CEP85L: variants seen among roughly 807,000 people sequenced by gnomAD.
The protein encoded by CEP85L is centrosomal protein of 85 kDa-like.
A neutral mutation model predicts 100.3 loss-of-function variants in CEP85L; 60 were observed. That is an observed-to-expected ratio of 0.60 (90% CI 0.49 to 0.74). The LOEUF (loss-of-function observed/expected upper bound fraction) is 0.74. Among genes scored for constraint, CEP85L ranks in the 30% least tolerant of loss-of-function variants. CEP85L has a pLI of 0.00. For missense variants in CEP85L, 973 were observed against 936.2 expected (o/e 1.04, Z -0.51); for synonymous variants, 319 against 322.7 (o/e 0.99, Z 0.12).
At chr6:118,530,287 A>G (rs1410826869) in intron 3 of CEP85L, among the ~76,000 whole-genome samples, 2 of 152,088 alleles carry the variant, frequency 1.3e-5, no homozygotes, top group East Asian at 1.9e-4. Context: ...ACCGGAATTA[A>G]TATTTTCAAA....
chr6:118,493,681 G>T (rs924396761), intron 5 of CEP85L, among the ~76,000 whole-genome samples: 1 of 152,084 alleles, frequency 6.6e-6, no homozygotes, highest in Non-Finnish European at 1.5e-5. Flanking sequence ...GATAACCAAG[G>T]TTTAAGATTT....
chr6:118,474,523 G>A (rs1773202765), intron 10 of CEP85L, among the ~76,000 whole-genome samples: 1 of 152,182 alleles, frequency 6.6e-6, no homozygotes, highest in African/African-American at 2.4e-5. Context: ...AGCTTACATT[G>A]AGTGCAGAAA....
At chr6:118,601,333 A>G (rs991350000) in intron 2 of CEP85L, among the ~76,000 whole-genome samples, 1 of 152,192 alleles carries the variant, frequency 6.6e-6, no homozygotes, top group Non-Finnish European at 1.5e-5. Flanking sequence ...AACCCTGGTT[A>G]TTACAGTCTA....
At chr6:118,670,713 G>A (rs1447448053) in intron 1 of CEP85L, among the ~76,000 whole-genome samples, 1 of 152,138 alleles carries the variant, frequency 6.6e-6, no homozygotes, top group Admixed American at 6.5e-5. Flanking sequence ...TAAAATTTGT[G>A]TTTGGTTATG....
At position 118,632,549 on chromosome 6, in the gene CEP85L, G is replaced by C; in HGVS notation, c.136C>G (p.Pro46Ala). Residue 46 changes from proline (P) to alanine (A), a missense_variant, in exon 2 of 13, where the codon CCA (proline) becomes GCA (alanine). By Grantham distance (27) the Pro-to-Ala change is conservative. This residue lies in a region of CEP85L where 79 missense variants were observed against 73.3 expected (regional missense o/e 1.08). Transcript: ENST00000368491. ...ATATGGTTATTTCGATGGTTAGATG[G>C]AACAGTTGTGGCCTGCCACAATGAT... ...NESLWQATTV[P>A]SNHRNNHIRR... is the part of the protein sequence containing the mutation. The C allele has an allele frequency of 6.2e-7, 1 of 1,613,234 alleles. No homozygotes were observed. The highest frequency in any genetic ancestry group is 2.2e-5 in the East Asian group (1 of 44,850).
chr6:118,677,371 C>T (rs1267471744), intron 1 of CEP85L, among the ~76,000 whole-genome samples: 1 of 152,186 alleles, frequency 6.6e-6, no homozygotes, highest in Non-Finnish European at 1.5e-5. Flanking sequence ...GCAGTCCTGA[C>T]ACTGTCCGTA....
At chr6:118,677,348 G>T (rs1203428810) in intron 1 of CEP85L, among the ~76,000 whole-genome samples, 1 of 152,146 alleles carries the variant, frequency 6.6e-6, no homozygotes, top group African/African-American at 2.4e-5. Context: ...TGAGAAGGGG[G>T]CGAGCTGTAC....
rs13198443 is a variant in CEP85L, at chr6:118,513,196, C to T, written c.1140-1781G>A. Among the ~76,000 whole-genome samples the T allele has an allele frequency of 3.6e-3, 545 of 151,594 alleles. 2 individuals carry two copies. The highest frequency in any genetic ancestry group is 6.1e-3 in the South Asian group (29 of 4,786). ...AAAAGCTCATAGTATCAGTGAGCCG[C>T]GAGATTATAAGAGGCCAAATACATG... On this transcript the variant is annotated intron_variant, in intron 4 of 12. Coordinates refer to ENST00000368491, the MANE Select transcript of CEP85L (RefSeq NM_001042475.3).
intron 3 of CEP85L, among the ~76,000 whole-genome samples, chr6:118,543,050 T>G (rs1223817314): frequency 6.6e-6 from 1 of 152,138 alleles, no homozygotes; most frequent in Non-Finnish European, 1.5e-5. Context: ...TCCTTCTTTC[T>G]TTAGCCTCTT....
intron 5 of CEP85L, among the ~76,000 whole-genome samples, chr6:118,497,976 A>G (rs1775026846): frequency 6.6e-6 from 1 of 152,260 alleles, no homozygotes; most frequent in Non-Finnish European, 1.5e-5. Context: ...ACTGATAACA[A>G]TGATACAAGG....
At chr6:118,701,927 A>T (rs1777422427) in intron 1 of CEP85L, among the ~76,000 whole-genome samples, 1 of 152,234 alleles carries the variant, frequency 6.6e-6, no homozygotes, top group South Asian at 2.1e-4. Flanking sequence ...ATTAGGAAGG[A>T]GGAAGAGAAA....
At chr6:118,540,671 C>T (rs957627048) in intron 3 of CEP85L, among the ~76,000 whole-genome samples, 1 of 151,900 alleles carries the variant, frequency 6.6e-6, no homozygotes, top group East Asian at 1.9e-4. Flanking sequence ...GCAGGAGAAT[C>T]GCTTGAACCT....
intron 4 of CEP85L, among the ~76,000 whole-genome samples, chr6:118,512,066 T>C (rs956706478): frequency 1.3e-5 from 2 of 151,868 alleles, no homozygotes; most frequent in African/African-American, 2.4e-5. Context: ...AGACAAAATA[T>C]AGGAAGTGAA....
chr6:118,497,865 T>C (rs1393241502), intron 5 of CEP85L, among the ~76,000 whole-genome samples: 1 of 152,238 alleles, frequency 6.6e-6, no homozygotes, highest in Non-Finnish European at 1.5e-5. Flanking sequence ...TTAATTGATC[T>C]AACAAGTGAC....
intron 2 of CEP85L, among the ~76,000 whole-genome samples, chr6:118,608,260 C>T (rs1224593416): frequency 6.6e-6 from 1 of 152,102 alleles, no homozygotes; most frequent in African/African-American, 2.4e-5. Flanking sequence ...CTTTAGGAGG[C>T]CGAGGCAGGC....
intron 4 of CEP85L, among the ~76,000 whole-genome samples, chr6:118,514,162 T>C (rs893213986): frequency 2.0e-5 from 3 of 151,994 alleles, no homozygotes; most frequent in South Asian, 4.1e-4. Context: ...ATAACAGGAA[T>C]TGTAAAAAAA....
intron 5 of CEP85L, chr6:118,502,659 G>A (rs970668633): frequency 8.6e-6 from 4 of 466,760 alleles, no homozygotes; most frequent in African/African-American, 7.9e-5. Flanking sequence ...TGCTCAGGGA[G>A]CTCCAGCTCA....
intron 6 of CEP85L, among the ~76,000 whole-genome samples, chr6:118,491,001 G>GT (rs1774517174): frequency 6.6e-6 from 1 of 152,070 alleles, no homozygotes; most frequent in Non-Finnish European, 1.5e-5. Context: ...ATGTGCAAGT[G>GT]TTTTTTATGT....
chr6:118,681,387 A>T (rs1165765694), intron 1 of CEP85L, among the ~76,000 whole-genome samples: 4 of 152,146 alleles, frequency 2.6e-5, no homozygotes, highest in African/African-American at 9.7e-5. Context: ...AGAGAGAGAG[A>T]TGTAATTATC....
Sources: allele counts gnomAD v4.1 joint callset (sites outside exome capture counted in the v4.1 genomes callset), GRCh38; gene constraint gnomAD v4.1.1; regional missense constraint gnomAD v4.1.1; transcripts MANE v1.5; gene names NCBI Gene and HGNC (gene_info 2026-07-23, HGNC 2026-07-21).